UNC79: variants seen among roughly 807,000 people sequenced by gnomAD.
The protein encoded by UNC79 is protein unc-79 homolog.
In UNC79, 37 loss-of-function variants were observed where a neutral mutation model predicts 283.1. The ratio of observed to expected loss-of-function variants is 0.13; its 90% CI spans 0.10 to 0.17. The LOEUF (loss-of-function observed/expected upper bound fraction) is 0.17. Among genes scored for constraint, UNC79 ranks in the 10% least tolerant of loss-of-function variants. The probability of loss-of-function intolerance (pLI) is 1.00; values close to 1 mark genes in which losing one functional copy is unlikely to be tolerated. For synonymous variants in UNC79, 1,107 were observed against 1,200.2 expected (o/e 0.92, Z 1.61); for missense variants, 2,272 against 3,211.1 (o/e 0.71, Z 7.07).
chr14:93,526,636 C>T (rs940599547), intron 8 of UNC79, among the ~76,000 whole-genome samples: 1 of 152,000 alleles, frequency 6.6e-6, no homozygotes. Flanking sequence ...CAGATATGAA[C>T]ACATTAGTGT....
intron 1 of UNC79, among the ~76,000 whole-genome samples, chr14:93,401,197 T>A (rs2055101275): frequency 6.6e-6 from 1 of 152,158 alleles, no homozygotes; most frequent in Non-Finnish European, 1.5e-5. Flanking sequence ...TAAATTGTTG[T>A]CGAAGCACAG....
intron 40 of UNC79, among the ~76,000 whole-genome samples, chr14:93,666,800 A>ATGT (rs1288049603): frequency 6.6e-6 from 1 of 152,226 alleles, no homozygotes; most frequent in Admixed American, 6.5e-5. Flanking sequence ...AGATTTAAAA[A>ATGT]TGTGGAAGAT....
intron 1 of UNC79, among the ~76,000 whole-genome samples, chr14:93,457,353 G>A (rs956190683): frequency 6.6e-6 from 1 of 152,212 alleles, no homozygotes; most frequent in Non-Finnish European, 1.5e-5. Context: ...AGGAAGTCCC[G>A]TGTGCTATGA....
At chr14:93,575,132 C>A (rs2063400450) in exon 17 of UNC79, 1 of 1,613,942 alleles carries the variant, frequency 6.2e-7, no homozygotes, top group South Asian at 1.1e-5. Context: ...TTAATTCAGT[C>A]AAAGAGCTGG....
At chr14:93,628,849 C>T (rs2067783084) in intron 30 of UNC79, among the ~76,000 whole-genome samples, 1 of 152,108 alleles carries the variant, frequency 6.6e-6, no homozygotes, top group African/African-American at 2.4e-5. Context: ...TGCTTATTAC[C>T]GACCTTCTTA....
At chr14:93,669,808 C>T (rs1367015873) in intron 40 of UNC79, among the ~76,000 whole-genome samples, 1 of 152,054 alleles carries the variant, frequency 6.6e-6, no homozygotes, top group Non-Finnish European at 1.5e-5. Context: ...GTGATTGTGC[C>T]CCCGACACTA....
intron 24 of UNC79, among the ~76,000 whole-genome samples, chr14:93,599,262 T>A (rs2065315335): frequency 6.6e-6 from 1 of 152,126 alleles, no homozygotes; most frequent in Non-Finnish European, 1.5e-5. Flanking sequence ...ATGCTGAGAG[T>A]TAGAAAGGTT....
intron 40 of UNC79, among the ~76,000 whole-genome samples, chr14:93,663,249 A>G (rs936537521): frequency 3.3e-5 from 5 of 152,096 alleles, no homozygotes; most frequent in Non-Finnish European, 7.4e-5. Context: ...TCTCTATTGC[A>G]TTATCTGTAG....
At chr14:93,537,762 T>C (rs1475405909) in intron 11 of UNC79, among the ~76,000 whole-genome samples, 1 of 152,192 alleles carries the variant, frequency 6.6e-6, no homozygotes, top group Non-Finnish European at 1.5e-5. Flanking sequence ...ATGCCACTGA[T>C]ATTTAGAGCA....
At chr14:93,483,670 T>C (rs965633777) in intron 4 of UNC79, among the ~76,000 whole-genome samples, 8 of 151,622 alleles carry the variant, frequency 5.3e-5, no homozygotes, top group Admixed American at 6.6e-5. Context: ...CACCTAATGC[T>C]ATCCCTCCCC....
intron 1 of UNC79, among the ~76,000 whole-genome samples, chr14:93,374,698 C>G (rs61991750): frequency 0.065 from 9,952 of 152,172 alleles, 606 homozygotes; most frequent in East Asian, 0.34. Flanking sequence ...GCCACCACAA[C>G]TGGCTAATTT....
Position 93,430,868 on chromosome 14 carries a change from T to G in UNC79, c.-162T>G, listed in dbSNP as rs2140090217. On this transcript the variant is annotated 5_prime_UTR_variant, in exon 1 of 49. Coordinates refer to ENST00000555664, the Ensembl canonical transcript of UNC79. This position sits in a 1 kb window ranked among gnomAD's most constrained non-coding sequence, Gnocchi z 4.6. ...CGGGACCGAATTCTGCAATTTGATG[T>G]GCGTTTTGTCCGAATGGTAGCGACA... 4.0e-6 allele frequency: 2 copies of G among 495,130 alleles called. No individual in the cohort carries two copies. Among genetic ancestry groups the G allele is most frequent in the Non-Finnish European group, 3.6e-6 (1 of 276,332 alleles). 30.7% of individuals were successfully genotyped at this position (495,130 alleles called of 1,614,324 possible).
chr14:93,614,299 TTTTATTTATTTATTTA>T (rs10617777), intron 27 of UNC79, among the ~76,000 whole-genome samples: 14 of 140,030 alleles, frequency 1.0e-4, no homozygotes, highest in East Asian at 6.0e-4. Context: ...GTGGTTTTAT[TTTTATTTATTTATTTA>T]TTTATTTATT....
chr14:93,612,454 G>A (rs567867640), intron 26 of UNC79, among the ~76,000 whole-genome samples: 2 of 152,264 alleles, frequency 1.3e-5, no homozygotes, highest in South Asian at 4.1e-4. Flanking sequence ...TATCACTGAG[G>A]ATAAAACTTT....
In UNC79 at chr14:93,440,334, T is replaced by C. The variant is rs2056248188; in HGVS notation, c.22+9283T>C. ...TTTGTGCTGTCTCTCCTGCCCCCTT[T>C]AAAAAATTGGGTTAGTGGTTTGTCT... On this transcript the variant is annotated intron_variant, in intron 1 of 48. Transcript: ENST00000555664. Among the ~76,000 whole-genome samples, 3 of 152,220 alleles carry C rather than the reference T, an allele frequency of 2.0e-5. No individual in the cohort carries two copies. In the South Asian group the frequency reaches 6.2e-4, roughly 32 times the overall value.
In UNC79 at chr14:93,442,920, A is replaced by G. The variant is rs1428957516; in HGVS notation, c.22+11869A>G. On this transcript the variant is annotated intron_variant, in intron 1 of 48. Transcript: ENST00000555664. ...CCTGGCCAACATGGCAAAACCCTAT[A>G]TCTACTAAAAGTACAAAAATTAGCA... 3.3e-5 allele frequency among the ~76,000 whole-genome samples: 5 copies of G among 150,212 alleles called. No homozygotes were observed. In the South Asian group the frequency reaches 8.5e-4, roughly 26 times the overall value.
chr14:93,412,927 C>G (rs1240046386), intron 1 of UNC79, among the ~76,000 whole-genome samples: 1 of 151,912 alleles, frequency 6.6e-6, no homozygotes, highest in Non-Finnish European at 1.5e-5. Flanking sequence ...TGTTAATGAG[C>G]AAAAAGAAAT....
At chr14:93,483,739 T>A (rs1278768326) in intron 4 of UNC79, among the ~76,000 whole-genome samples, 1 of 139,884 alleles carries the variant, frequency 7.1e-6, no homozygotes, top group Non-Finnish European at 1.5e-5. Context: ...GCATCCTGGG[T>A]CCAGGTGTTC....
At chr14:93,594,615 A>C (rs966702549) in intron 23 of UNC79, among the ~76,000 whole-genome samples, 9 of 152,110 alleles carry the variant, frequency 5.9e-5, no homozygotes, top group Non-Finnish European at 7.4e-5. Flanking sequence ...TCTGCTGTAT[A>C]CCCTTGCCAC....
Sources: gnomAD v4.1 joint callset for allele counts (sites outside exome capture counted in the v4.1 genomes callset) on GRCh38, gnomAD v4.1.1 for gene constraint, Gnocchi (gnomAD v3.1) non-coding constraint, MANE v1.5 for transcripts, NCBI Gene and HGNC (gene_info 2026-07-23, HGNC 2026-07-21) for gene names.